The following MSI2 variants were observed in gnomAD, a reference collection of about 807,000 sequenced individuals.
MSI2 encodes musashi RNA binding protein 2.
A neutral mutation model predicts 45.6 loss-of-function variants in MSI2; 17 were observed. The ratio of observed to expected loss-of-function variants is 0.37; its 90% CI spans 0.26 to 0.56. The LOEUF is 0.56. Among genes scored for constraint, MSI2 ranks in the 20% least tolerant of loss-of-function variants. The pLI, the probability that MSI2 is intolerant of heterozygous loss-of-function variation, is 0.77. For synonymous variants in MSI2, 156 were observed against 158.2 expected (o/e 0.99, Z 0.11); for missense variants, 293 against 444.2 (o/e 0.66, Z 3.06).
chr17:57,268,716 A>G (rs891109694), intron 5 of MSI2, among the ~76,000 whole-genome samples: 2 of 152,002 alleles, frequency 1.3e-5, no homozygotes, highest in African/African-American at 2.4e-5. Context: ...GGCACCTGTA[A>G]TCCCAGCTAC....
chr17:57,417,613 T>C (rs551031196), intron 6 of MSI2, among the ~76,000 whole-genome samples: 1 of 152,248 alleles, frequency 6.6e-6, no homozygotes, highest in Admixed American at 6.5e-5. Flanking sequence ...ACGGTAGATG[T>C]GATCTTTTCA....
intron 5 of MSI2, among the ~76,000 whole-genome samples, chr17:57,272,650 G>C (rs1017067262): frequency 3.9e-5 from 6 of 152,190 alleles, no homozygotes; most frequent in Admixed American, 1.3e-4. Flanking sequence ...GCAACCTTGG[G>C]GGTAGAAGAA....
At chr17:57,330,793 TG>T (rs1914189521) in intron 5 of MSI2, among the ~76,000 whole-genome samples, 1 of 152,046 alleles carries the variant, frequency 6.6e-6, no homozygotes, top group South Asian at 2.1e-4. Flanking sequence ...ACAGCTGGGG[TG>T]GCACCCTGGG....
chr17:57,597,064 G>C (rs1205632790), intron 8 of MSI2, 114 bp downstream of exon 8: 6 of 711,242 alleles, frequency 8.4e-6, no homozygotes, highest in Non-Finnish European at 1.5e-5. Flanking sequence ...GGTGGGGAGG[G>C]GGCTAGATGC....
At chr17:57,616,251 G>A (rs11079313) in intron 9 of MSI2, 167 bp downstream of exon 9, 2 of 585,334 alleles carry the variant, frequency 3.4e-6, no homozygotes, top group Non-Finnish European at 6.1e-6. Context: ...CAGTTGTGAT[G>A]ATTAAGTGTG....
intron 6 of MSI2, among the ~76,000 whole-genome samples, chr17:57,424,426 A>C (rs1344781379): frequency 6.6e-6 from 1 of 152,278 alleles, no homozygotes; most frequent in Non-Finnish European, 1.5e-5. Context: ...ACAGAGGCAC[A>C]GAAGAGCCTG....
chr17:57,404,786 G>A (rs1267263157), intron 6 of MSI2, among the ~76,000 whole-genome samples: 1 of 152,122 alleles, frequency 6.6e-6, no homozygotes, highest in Non-Finnish European at 1.5e-5. Context: ...AGTGGGTACA[G>A]AGTGACACAC....
In MSI2 at chr17:57,558,858, C is replaced by T. The variant is rs184475783; in HGVS notation, c.454+29134C>T. Among the ~76,000 whole-genome samples the T allele has an allele frequency of 1.7e-3, 252 of 152,150 alleles. 1 individual carries two copies. The highest frequency in any genetic ancestry group is 5.7e-3 in the African/African-American group (236 of 41,498). On this transcript the variant is annotated intron_variant, in intron 7 of 13. Transcript: ENST00000284073. ...GGCAGATCACCTGAGGTCAGGAGTT[C>T]GAGACCAGCCTGGCCAACATGGTGG...
rs116853881 is a variant in MSI2 at position 57,324,929 on chromosome 17, A to G, written c.312+62737A>G. ...TGAGCTGGAGGAGAGCAAGGCAGGCATGCAGAAGAGGAGGGTTGAGTTGCC... is the reference window on the plus strand; with the variant it reads ...TGAGCTGGAGGAGAGCAAGGCAGGCGTGCAGAAGAGGAGGGTTGAGTTGCC... On this transcript the variant is annotated intron_variant, in intron 5 of 13. Coordinates refer to ENST00000284073, the MANE Select transcript of MSI2 (RefSeq NM_138962.4). 6.8e-3 allele frequency among the ~76,000 whole-genome samples: 1,041 copies of G among 152,322 alleles called. 6 individuals carry two copies. The highest frequency in any genetic ancestry group is 0.011 in the Non-Finnish European group (717 of 68,026).
At chr17:57,663,681 C>A (rs1912167774) in intron 11 of MSI2, among the ~76,000 whole-genome samples, 1 of 152,186 alleles carries the variant, frequency 6.6e-6, no homozygotes, top group African/African-American at 2.4e-5. Context: ...TCAGAGGAAA[C>A]CCCTAGTCCA....
chr17:57,435,563 C>T (rs1217482395), intron 6 of MSI2, among the ~76,000 whole-genome samples: 1 of 152,204 alleles, frequency 6.6e-6, no homozygotes, highest in Non-Finnish European at 1.5e-5. Context: ...TAATGCCCAG[C>T]TCAATTCTTC....
chr17:57,493,665 G>A (rs796328345), intron 6 of MSI2, among the ~76,000 whole-genome samples: 54 of 150,466 alleles, frequency 3.6e-4, no homozygotes, highest in African/African-American at 1.2e-3. Flanking sequence ...GCTGCGGGAT[G>A]ATCTTGTCTC....
At chr17:57,640,982 G>A (rs551401105) in intron 10 of MSI2, among the ~76,000 whole-genome samples, 5 of 151,630 alleles carry the variant, frequency 3.3e-5, no homozygotes, top group Non-Finnish European at 7.4e-5. Context: ...AAGGGCTAGA[G>A]TGTAGTGGTA....
At chr17:57,644,712 G>A (rs989524662) in intron 10 of MSI2, among the ~76,000 whole-genome samples, 2 of 152,274 alleles carry the variant, frequency 1.3e-5, no homozygotes, top group South Asian at 2.1e-4. Flanking sequence ...GCTGGGGAAG[G>A]GGGTGGAGAG....
At chr17:57,619,862 C>T (rs1411999190) in intron 9 of MSI2, among the ~76,000 whole-genome samples, 1 of 152,220 alleles carries the variant, frequency 6.6e-6, no homozygotes, top group East Asian at 1.9e-4. Context: ...CCCCAAGCCA[C>T]AGTAAAGAAG....
chr17:57,357,658 G>A (rs188427305), intron 5 of MSI2, among the ~76,000 whole-genome samples: 3 of 152,218 alleles, frequency 2.0e-5, no homozygotes, highest in Admixed American at 2.0e-4. Flanking sequence ...GTTGCATCCT[G>A]TTCACATAAA....
At chr17:57,368,733 G>A (rs2083377309) in intron 5 of MSI2, among the ~76,000 whole-genome samples, 1 of 152,196 alleles carries the variant, frequency 6.6e-6, no homozygotes, top group Non-Finnish European at 1.5e-5. Context: ...GCAAGTTGAA[G>A]TTATATGCTA....
chr17:57,312,002 A>T (rs1314196173), intron 5 of MSI2, among the ~76,000 whole-genome samples: 7 of 152,154 alleles, frequency 4.6e-5, no homozygotes, highest in Admixed American at 3.3e-4. Context: ...CCGGCCAGGT[A>T]TTGCCTTTTG....
At chr17:57,609,839 G>T (rs1041234812) in intron 8 of MSI2, among the ~76,000 whole-genome samples, 1 of 152,216 alleles carries the variant, frequency 6.6e-6, no homozygotes, top group Non-Finnish European at 1.5e-5. Context: ...GCTAGGGAGA[G>T]GGTGTAACGC....
Sources: allele counts gnomAD v4.1 joint callset (sites outside exome capture counted in the v4.1 genomes callset), GRCh38; gene constraint gnomAD v4.1.1; transcripts MANE v1.5; gene names NCBI Gene and HGNC (gene_info 2026-07-23, HGNC 2026-07-21).